DIP2B: variants seen among roughly 807,000 people sequenced by gnomAD.
The protein encoded by DIP2B is disco-interacting protein 2 homolog B.
DIP2B carries 76 observed loss-of-function variants against 198.0 expected under a neutral mutation model. The observed-to-expected ratio is 0.38, with a 90% confidence interval of 0.32 to 0.46. DIP2B has a LOEUF of 0.46. Among genes scored for constraint, DIP2B ranks in the 20% least tolerant of loss-of-function variants. The pLI is 0.99. For synonymous variants in DIP2B, 701 were observed against 739.1 expected (o/e 0.95, Z 0.84); for missense variants, 1,559 against 1,978.4 (o/e 0.79, Z 4.02).
rs181983342 is a variant in DIP2B at position 50,623,639 on chromosome 12, A to T, written c.101-2337A>T. Among the ~76,000 whole-genome samples the T allele has an allele frequency of 7.5e-4, 114 of 152,152 alleles. 1 individual carries two copies. Among genetic ancestry groups the T allele is most frequent in the African/African-American group, 1.2e-3 (48 of 41,492 alleles). On this transcript the variant is annotated intron_variant, in intron 1 of 37. Transcript: ENST00000301180. ...AACATACCTATTACTGTTTTTAAAA[A>T]TTTTTTTAATTTTTTACGGAATCAG...
intron 1 of DIP2B, among the ~76,000 whole-genome samples, chr12:50,557,776 CTTG>C (rs1958483830): frequency 6.6e-6 from 1 of 152,188 alleles, no homozygotes; most frequent in Admixed American, 6.5e-5. Flanking sequence ...TTCTGCAGTT[CTTG>C]TTGTTTCTCC....
At chr12:50,526,658 CAG>C (rs1305450097) in intron 1 of DIP2B, among the ~76,000 whole-genome samples, 4 of 65,590 alleles carry the variant, frequency 6.1e-5, no homozygotes, top group Admixed American at 2.9e-4. Context: ...TTTTTTGAGA[CAG>C]AGTTTCACTC....
intron 5 of DIP2B, among the ~76,000 whole-genome samples, chr12:50,672,325 A>G (rs1277794180): frequency 6.6e-6 from 1 of 152,138 alleles, no homozygotes; most frequent in African/African-American, 2.4e-5. Context: ...CCAACAGCTG[A>G]TGACTTGTCT....
chr12:50,725,853 C>A (rs1470678504), intron 28 of DIP2B, among the ~76,000 whole-genome samples: 1 of 149,798 alleles, frequency 6.7e-6, no homozygotes, highest in East Asian at 1.9e-4. Context: ...GTCCTCCCTA[C>A]CCTTTTTTTT....
chr12:50,711,015 G>A (rs139151786), intron 22 of DIP2B, among the ~76,000 whole-genome samples: 34 of 152,246 alleles, frequency 2.2e-4, no homozygotes, highest in Middle Eastern at 3.4e-3. Context: ...GGTGAATTAC[G>A]TATTTTCTTC....
At chr12:50,553,729 C>T (rs1958446191) in intron 1 of DIP2B, among the ~76,000 whole-genome samples, 1 of 152,178 alleles carries the variant, frequency 6.6e-6, no homozygotes, top group Non-Finnish European at 1.5e-5. Context: ...TCACAGCTCA[C>T]TGCAGCCTCG....
intron 1 of DIP2B, among the ~76,000 whole-genome samples, chr12:50,622,536 A>G (rs1300205016): frequency 6.6e-6 from 1 of 152,390 alleles, no homozygotes. Flanking sequence ...ACCACTGTTA[A>G]TATTTTGGTG....
chr12:50,552,237 G>T (rs1022603487), intron 1 of DIP2B, among the ~76,000 whole-genome samples: 1 of 150,534 alleles, frequency 6.6e-6, no homozygotes, highest in African/African-American at 2.4e-5. Flanking sequence ...TTTTAATTGG[G>T]TTTTTTGTTG....
chr12:50,643,039 T>TGA, intron 3 of DIP2B, among the ~76,000 whole-genome samples: 1 of 151,968 alleles, frequency 6.6e-6, no homozygotes, highest in Middle Eastern at 3.4e-3. Context: ...TGTGTGTGTG[T>TGA]GTGTGAGTGT....
In DIP2B at chr12:50,521,015, C is replaced by G. The variant is rs534901725; in HGVS notation, c.100+15775C>G. ...TTGTTTCAAGGCCTGGTTGACGTTC[C>G]TCTCATCATGAAACCTGCTGACTGC... is the stretch of plus-strand genomic sequence containing the variant. On this transcript the variant is annotated intron_variant, in intron 1 of 37. Transcript: ENST00000301180. 9.2e-5 allele frequency among the ~76,000 whole-genome samples: 14 copies of G among 151,504 alleles called. 1 individual carries two copies. In the South Asian group the frequency reaches 2.9e-3, roughly 32 times the overall value.
At chr12:50,707,244 C>T (rs542505269) in intron 21 of DIP2B, among the ~76,000 whole-genome samples, 2 of 152,298 alleles carry the variant, frequency 1.3e-5, no homozygotes, top group South Asian at 2.1e-4. Flanking sequence ...AGATGTGTCT[C>T]TTTAAGGCAA....
At chr12:50,516,213 ATCTCTCTC>A (rs68059796) in intron 1 of DIP2B, among the ~76,000 whole-genome samples, 36 of 128,616 alleles carry the variant, frequency 2.8e-4, no homozygotes, top group South Asian at 5.2e-4. Flanking sequence ...TAGAGGCACC[ATCTCTCTC>A]TCTCTCTCTC....
Position 50,695,882 on chromosome 12 carries a change from C to A in DIP2B, c.1848C>A (p.His616Gln), listed in dbSNP as rs1415722651. 7 of 1,614,122 alleles carry A rather than the reference C, an allele frequency of 4.3e-6. No homozygotes were observed. Among genetic ancestry groups the A allele is most frequent in the Non-Finnish European group, 5.1e-6 (6 of 1,179,962 alleles). ...KVALVKCRDL[H>Q]WAMMAHRDQR... ...CTTTAGTAAAATGTCGGGACTTGCA[C>A]TGGGCTATGATGGCACATCGGGACC... The change falls in exon 16 of 38, where the codon CAC (histidine) becomes CAA (glutamine). Residue 616 changes from histidine to glutamine, a missense_variant. Physicochemically the swap from His to Gln is conservative, Grantham distance 24. Coordinates refer to ENST00000301180, the MANE Select transcript of DIP2B (RefSeq NM_173602.3).
intron 1 of DIP2B, among the ~76,000 whole-genome samples, chr12:50,559,604 A>G (rs2139395756): frequency 6.6e-6 from 1 of 151,956 alleles, no homozygotes; most frequent in South Asian, 2.1e-4. Context: ...GTGGTGGTGC[A>G]TCCCTATAGT....
chr12:50,559,923 C>T (rs986444957), intron 1 of DIP2B, among the ~76,000 whole-genome samples: 1 of 151,990 alleles, frequency 6.6e-6, no homozygotes. Context: ...AAGTATAAGC[C>T]GTGTAAAGAT....
Position 50,744,633 on chromosome 12 carries a change from T to G in DIP2B, c.4525T>G (p.Cys1509Gly). 2 of 1,614,124 alleles carry G rather than the reference T, an allele frequency of 1.2e-6. No individual in the cohort carries two copies. The highest frequency in any genetic ancestry group is 2.2e-5 in the South Asian group (2 of 91,084). Residue 1509 changes from cysteine to glycine, a missense_variant, in exon 38 of 38, where the codon TGC becomes GGC. Physicochemically the swap from Cys to Gly is radical, Grantham distance 159. Coordinates refer to ENST00000301180, the MANE Select transcript of DIP2B (RefSeq NM_173602.3). ...TNLLVVVVEL[C>G]GSEQEALDLV... ...CTTGCTTGTGGTGGTTGTGGAACTG[T>G]GCGGCTCTGAACAGGAAGCCCTAGA...
chr12:50,659,840 C>T (rs1005720440), intron 3 of DIP2B, among the ~76,000 whole-genome samples: 1 of 152,136 alleles, frequency 6.6e-6, no homozygotes, highest in Non-Finnish European at 1.5e-5. Flanking sequence ...CTGCACAGCG[C>T]TCATTCCATT....
At chr12:50,615,419 G>A (rs1937681717) in intron 1 of DIP2B, among the ~76,000 whole-genome samples, 1 of 152,058 alleles carries the variant, frequency 6.6e-6, no homozygotes. Flanking sequence ...ACTCCTCTTT[G>A]AGACATCAGT....
intron 2 of DIP2B, among the ~76,000 whole-genome samples, chr12:50,627,420 A>G (rs1937956823): frequency 6.6e-6 from 1 of 151,984 alleles, no homozygotes; most frequent in South Asian, 2.1e-4. Flanking sequence ...TACAGCCTCA[A>G]TCTCCCAGGT....
Sources: gnomAD v4.1 joint callset for allele counts (sites outside exome capture counted in the v4.1 genomes callset) on GRCh38, gnomAD v4.1.1 for gene constraint, MANE v1.5 for transcripts, NCBI Gene and HGNC (gene_info 2026-07-23, HGNC 2026-07-21) for gene names.